Variants in LURAP1L observed in about 807,000 individuals in gnomAD.
LURAP1L encodes leucine rich adaptor protein 1-like.
LURAP1L carries 12 observed loss-of-function variants against 13.8 expected under a neutral mutation model. That is an observed-to-expected ratio of 0.87 (90% CI 0.56 to 1.41). LURAP1L has a LOEUF of 1.41. Among genes scored for constraint, LURAP1L ranks in the 40% most tolerant of loss-of-function variants. LURAP1L has a pLI of 0.00. For missense variants in LURAP1L, 375 were observed against 292.9 expected (o/e 1.28, Z -2.04); for synonymous variants, 139 against 119.2 (o/e 1.17, Z -1.08).
intron 1 of LURAP1L, among the ~76,000 whole-genome samples, chr9:12,810,348 T>A (rs1266629286): frequency 6.6e-6 from 1 of 152,198 alleles, no homozygotes; most frequent in Non-Finnish European, 1.5e-5. Context: ...CAGTTTTCTG[T>A]TCCTGTTAAG....
At chr9:12,779,313 C>A (rs1819236847) in intron 1 of LURAP1L, among the ~76,000 whole-genome samples, 2 of 117,480 alleles carry the variant, frequency 1.7e-5, no homozygotes, top group Middle Eastern at 9.8e-3. Flanking sequence ...CTCGCCCTAT[C>A]GCCCAGGCTG....
chr9:12,801,095 G>C (rs1242221329), intron 1 of LURAP1L, among the ~76,000 whole-genome samples: 1 of 152,006 alleles, frequency 6.6e-6, no homozygotes, highest in African/African-American at 2.4e-5. Context: ...TTTACATAAG[G>C]ATAAAGATAA....
At chr9:12,805,010 A>G (rs1819637989) in intron 1 of LURAP1L, among the ~76,000 whole-genome samples, 2 of 152,168 alleles carry the variant, frequency 1.3e-5, no homozygotes, top group Non-Finnish European at 1.5e-5. Flanking sequence ...TAATGTCTTC[A>G]TTAGAAAAGA....
intron 1 of LURAP1L, chr9:12,814,376 T>C (rs570796286): frequency 1.3e-5 from 2 of 152,342 alleles, no homozygotes; most frequent in Admixed American, 6.5e-5. Flanking sequence ...CATGTTTTCA[T>C]TAGATCATTC....
chr9:12,777,467 G>A (rs1028689252), intron 1 of LURAP1L: 10 of 985,154 alleles, frequency 1.0e-5, no homozygotes, highest in Non-Finnish European at 8.4e-6. Context: ...TATGAGGGAC[G>A]AAGACATCAA....
At position 12,822,367 on chromosome 9, in the gene LURAP1L, G is replaced by A. The variant is rs1819893240; in HGVS notation, c.*607G>A. Among the ~76,000 whole-genome samples the A allele has an allele frequency of 6.6e-6, 1 of 151,984 alleles. No homozygotes were observed. The highest frequency in any genetic ancestry group is 2.1e-4 in the South Asian group (1 of 4,820). On this transcript the variant is annotated 3_prime_UTR_variant, in exon 2 of 2. Coordinates refer to ENST00000319264, the MANE Select transcript of LURAP1L (RefSeq NM_203403.2). Reference sequence around the variant, plus strand: ...TGTTCAACCAACTCACCCTTGTGTTGGTACTTTAGATTAACATTTTGTCAT... The same window carrying A: ...TGTTCAACCAACTCACCCTTGTGTTAGTACTTTAGATTAACATTTTGTCAT...
chr9:12,803,009 C>T (rs935358930), intron 1 of LURAP1L, among the ~76,000 whole-genome samples: 4 of 152,176 alleles, frequency 2.6e-5, no homozygotes, highest in African/African-American at 9.7e-5. Flanking sequence ...AAAAATGAAT[C>T]CATACTTACT....
At position 12,788,183 on chromosome 9, in the gene LURAP1L, GAAAGAA is replaced by G. The variant is rs1295831507; in HGVS notation, c.312+12158_312+12163del. On this transcript the variant is annotated intron_variant, in intron 1 of 1. Coordinates refer to ENST00000319264, the MANE Select transcript of LURAP1L (RefSeq NM_203403.2). The stretch of plus-strand genomic sequence containing the variant: ...AGAAAGAAAGAAAGAAAGAAAGAAA[GAAAGAA>G]AGAAAAGAAAAGAAAAGAAAAGCTC... Among the ~76,000 whole-genome samples, 42 of 147,058 alleles carry G rather than the reference GAAAGAA, an allele frequency of 2.9e-4. 1 individual carries two copies. In the South Asian group the frequency reaches 7.6e-3, roughly 27 times the overall value.
chr9:12,820,157 C>T (rs1052818028), intron 1 of LURAP1L, among the ~76,000 whole-genome samples: 2 of 152,140 alleles, frequency 1.3e-5, no homozygotes, highest in African/African-American at 2.4e-5. Context: ...CAAAGAGACC[C>T]TGCTTTGTGG....
intron 1 of LURAP1L, among the ~76,000 whole-genome samples, chr9:12,783,181 A>G (rs1014866376): frequency 6.6e-6 from 1 of 151,928 alleles, no homozygotes; most frequent in Non-Finnish European, 1.5e-5. Context: ...TTTTCTTCCC[A>G]ATTTGGATGC....
rs1471944422 is a variant in LURAP1L at position 12,821,932 on chromosome 9, GATTT to G, written c.*177_*180del. 9 of 644,108 alleles carry G rather than the reference GATTT, an allele frequency of 1.4e-5. No homozygotes were observed. The highest frequency in any genetic ancestry group is 3.0e-5 in the South Asian group (1 of 33,064). The allele number at this position is 644,108 out of a possible 1,614,324, so 39.9% of individuals were successfully genotyped here. ...GCTCCTAATACTTCTCATCTGAGCT[GATTT>G]ATTTTTCTCTGTTACATCTCTATTT... On this transcript the variant is annotated 3_prime_UTR_variant, in exon 2 of 2. Coordinates refer to ENST00000319264, the MANE Select transcript of LURAP1L (RefSeq NM_203403.2).
In LURAP1L at chr9:12,775,980, G is replaced by C; in HGVS notation, c.265G>C (p.Ala89Pro). The C allele has an allele frequency of 1.2e-6, 2 of 1,606,520 alleles. No individual in the cohort carries two copies. The highest frequency in any genetic ancestry group is 2.2e-5 in the South Asian group (2 of 89,546). Residue 89 changes from alanine to proline, a missense_variant, in exon 1 of 2, where the codon GCC becomes CCC. By Grantham distance (27) the Ala-to-Pro change is conservative. Coordinates refer to ENST00000319264, the MANE Select transcript of LURAP1L (RefSeq NM_203403.2). ...SGSPRGSHSS[A>P]LERLETKLHL... ...CTCCCCACGAGGTAGCCACTCTAGC[G>C]CCCTGGAGAGGCTAGAAACCAAGCT...
At position 12,821,586 on chromosome 9, in the gene LURAP1L, T is replaced by C. The variant is rs752919136; in HGVS notation, c.513T>C (p.Ser171=). 3 of 1,614,074 alleles carry C rather than the reference T, an allele frequency of 1.9e-6. No homozygotes were observed. The highest frequency in any genetic ancestry group is 2.5e-6 in the Non-Finnish European group (3 of 1,180,040). Residue 171 remains serine (S), a synonymous_variant, in exon 2 of 2, where the codon AGT becomes AGC. Coordinates refer to ENST00000319264, the MANE Select transcript of LURAP1L (RefSeq NM_203403.2). ...RGSYNSLHDG[S]DGLDGISVGS... ...GCTACAACAGCCTACACGATGGCAG[T>C]GATGGGCTGGATGGCATTTCCGTGG... is the stretch of plus-strand genomic sequence containing the variant.
intron 1 of LURAP1L, among the ~76,000 whole-genome samples, chr9:12,814,680 G>A (rs569376727): frequency 1.3e-5 from 2 of 152,292 alleles, no homozygotes; most frequent in East Asian, 1.9e-4. Context: ...AGTCACATGT[G>A]CTCCTTTCAA....
intron 1 of LURAP1L, among the ~76,000 whole-genome samples, chr9:12,819,929 G>A (rs1011170085): frequency 3.3e-5 from 5 of 152,044 alleles, no homozygotes; most frequent in African/African-American, 1.2e-4. Flanking sequence ...ACTCCCGCCT[G>A]GGCAATAGAG....
chr9:12,804,504 G>A (rs1023088559), intron 1 of LURAP1L, among the ~76,000 whole-genome samples: 3 of 151,842 alleles, frequency 2.0e-5, no homozygotes, highest in African/African-American at 7.3e-5. Flanking sequence ...CACCACTCCT[G>A]GCTAATTTTT....
chr9:12,785,719 G>T (rs1472923590), intron 1 of LURAP1L, among the ~76,000 whole-genome samples: 1 of 152,146 alleles, frequency 6.6e-6, no homozygotes, highest in Admixed American at 6.5e-5. Flanking sequence ...TTCTCTCTCT[G>T]CAGTGCTGCA....
At chr9:12,818,281 A>G (rs918314640) in intron 1 of LURAP1L, among the ~76,000 whole-genome samples, 3 of 152,326 alleles carry the variant, frequency 2.0e-5, no homozygotes, top group Non-Finnish European at 2.9e-5. Context: ...TGTAAGTCAG[A>G]GAAAAATTGC....
At chr9:12,784,369 A>G (rs764160200) in intron 1 of LURAP1L, among the ~76,000 whole-genome samples, 1 of 152,188 alleles carries the variant, frequency 6.6e-6, no homozygotes, top group Non-Finnish European at 1.5e-5. Context: ...TTTAAAGAAA[A>G]TTGAGTGTTC....
Sources: allele counts gnomAD v4.1 joint callset (sites outside exome capture counted in the v4.1 genomes callset), GRCh38; gene constraint gnomAD v4.1.1; transcripts MANE v1.5; gene names NCBI Gene and HGNC (gene_info 2026-07-23, HGNC 2026-07-21).